The following ITGBL1 variants were observed in gnomAD, a reference collection of about 807,000 sequenced individuals.
The protein encoded by ITGBL1 is integrin beta-like protein 1.
Under a neutral mutation model 68.5 loss-of-function variants are expected in ITGBL1, and 51 were observed. The ratio of observed to expected loss-of-function variants is 0.74; its 90% CI spans 0.59 to 0.94. The LOEUF (loss-of-function observed/expected upper bound fraction) is 0.94. Ranked by LOEUF, ITGBL1 falls within the 40% of genes least tolerant of loss-of-function variation. The probability of loss-of-function intolerance (pLI) is 0.00; values close to 1 mark genes in which losing one functional copy is unlikely to be tolerated. For missense variants in ITGBL1, 649 were observed against 647.4 expected (o/e 1.00, Z -0.03); for synonymous variants, 209 against 227.3 (o/e 0.92, Z 0.72).
intron 7 of ITGBL1, among the ~76,000 whole-genome samples, chr13:101,605,119 A>T (rs2030681039): frequency 6.9e-6 from 1 of 145,510 alleles, no homozygotes; most frequent in Non-Finnish European, 1.5e-5. Flanking sequence ...TATATGTGTA[A>T]ATATACATGT....
At chr13:101,671,348 G>A (rs984043874) in intron 7 of ITGBL1, among the ~76,000 whole-genome samples, 3 of 148,958 alleles carry the variant, frequency 2.0e-5, no homozygotes, top group Admixed American at 1.3e-4. Context: ...TACTTAAAAC[G>A]TTTCAGTTGC....
intron 2 of ITGBL1, among the ~76,000 whole-genome samples, chr13:101,548,678 C>T (rs568179367): frequency 1.9e-3 from 282 of 151,730 alleles, no homozygotes; most frequent in Middle Eastern, 3.5e-3. Context: ...ATTTAACTAT[C>T]ATTAACTTGA....
At chr13:101,478,289 A>C (rs1361886762) in intron 2 of ITGBL1, among the ~76,000 whole-genome samples, 1 of 152,012 alleles carries the variant, frequency 6.6e-6, no homozygotes, top group Non-Finnish European at 1.5e-5. Flanking sequence ...CTATTACTTC[A>C]TGATAAAAAC....
At chr13:101,567,176 A>G (rs2050194987) in intron 2 of ITGBL1, among the ~76,000 whole-genome samples, 1 of 152,202 alleles carries the variant, frequency 6.6e-6, no homozygotes, top group Admixed American at 6.6e-5. Context: ...GAAACAAAAT[A>G]TATACGTATT....
intron 2 of ITGBL1, among the ~76,000 whole-genome samples, chr13:101,490,291 G>A (rs2048757722): frequency 6.6e-6 from 1 of 152,170 alleles, no homozygotes; most frequent in South Asian, 2.1e-4. Flanking sequence ...ACCAAGAACT[G>A]AATCTTCCCG....
In ITGBL1 at chr13:101,634,519, A is replaced by G. The variant is rs2032100767; in HGVS notation, c.1015+36220A>G. 2.6e-5 allele frequency among the ~76,000 whole-genome samples: 4 copies of G among 152,256 alleles called. No homozygotes were observed. The South Asian group carries it at 8.3e-4, about 32-fold the overall frequency. On this transcript the variant is annotated intron_variant, in intron 7 of 10. Transcript: ENST00000376180. ...CAAAGTAAGATACTTTTCCAGTGAG[A>G]TGGGAAAGATTTCAATAAAGATGTT...
chr13:101,594,120 T>C (rs1034883436), intron 6 of ITGBL1, among the ~76,000 whole-genome samples: 2 of 152,074 alleles, frequency 1.3e-5, no homozygotes, highest in Admixed American at 6.6e-5. Context: ...ATACCCCAAA[T>C]AACTAAAGCA....
chr13:101,698,058 A>T (rs2034043314), intron 8 of ITGBL1, among the ~76,000 whole-genome samples: 1 of 152,194 alleles, frequency 6.6e-6, no homozygotes. Context: ...CACAGACATC[A>T]TCCCTCTGTT....
intron 2 of ITGBL1, among the ~76,000 whole-genome samples, chr13:101,473,820 C>T (rs888490383): frequency 6.6e-6 from 1 of 152,110 alleles, no homozygotes; most frequent in South Asian, 2.1e-4. Flanking sequence ...AGCCCCCATT[C>T]GAGGCACTAG....
At chr13:101,485,845 G>A (rs1464356777) in intron 2 of ITGBL1, among the ~76,000 whole-genome samples, 3 of 152,078 alleles carry the variant, frequency 2.0e-5, no homozygotes, top group African/African-American at 4.8e-5. Flanking sequence ...AAAAACAATA[G>A]ATGTTGGTAG....
At chr13:101,551,687 C>G (rs2049923160) in intron 2 of ITGBL1, among the ~76,000 whole-genome samples, 1 of 152,150 alleles carries the variant, frequency 6.6e-6, no homozygotes, top group South Asian at 2.1e-4. Flanking sequence ...TTCTGTTTTT[C>G]ATGCCATTTT....
chr13:101,688,389 T>C (rs1376805970), intron 7 of ITGBL1, among the ~76,000 whole-genome samples: 1 of 152,064 alleles, frequency 6.6e-6, no homozygotes, highest in Non-Finnish European at 1.5e-5. Flanking sequence ...TTGGGCTGGC[T>C]ATAGAACACC....
chr13:101,686,462 C>T (rs2033757540), intron 7 of ITGBL1, among the ~76,000 whole-genome samples: 1 of 151,960 alleles, frequency 6.6e-6, no homozygotes, highest in African/African-American at 2.4e-5. Context: ...GACAAATATT[C>T]AAGTGCTGAC....
At chr13:101,628,207 A>G (rs890581180) in intron 7 of ITGBL1, among the ~76,000 whole-genome samples, 3 of 152,172 alleles carry the variant, frequency 2.0e-5, no homozygotes, top group Non-Finnish European at 4.4e-5. Flanking sequence ...ATAATATGAA[A>G]CATCTTTTTA....
chr13:101,605,839 C>G (rs1032644176), intron 7 of ITGBL1, among the ~76,000 whole-genome samples: 2 of 149,306 alleles, frequency 1.3e-5, no homozygotes, highest in Non-Finnish European at 3.0e-5. Flanking sequence ...TATATATATG[C>G]ATATACATAT....
At chr13:101,541,919 T>G (rs959270382) in intron 2 of ITGBL1, among the ~76,000 whole-genome samples, 4 of 152,220 alleles carry the variant, frequency 2.6e-5, no homozygotes, top group African/African-American at 9.7e-5. Context: ...TATCATTTTT[T>G]ATTGCTTCTA....
At chr13:101,653,973 G>T (rs1402711730) in intron 7 of ITGBL1, among the ~76,000 whole-genome samples, 1 of 151,156 alleles carries the variant, frequency 6.6e-6, no homozygotes, top group Non-Finnish European at 1.5e-5. Flanking sequence ...GCCTCCTAAA[G>T]TGCTGGGATT....
chr13:101,485,012 A>T (rs1309063127), intron 2 of ITGBL1, among the ~76,000 whole-genome samples: 1 of 152,214 alleles, frequency 6.6e-6, no homozygotes, highest in East Asian at 1.9e-4. Flanking sequence ...TATACAGAGG[A>T]ACGAAAATAA....
At position 101,616,828 on chromosome 13, in the gene ITGBL1, T is replaced by G. The variant is rs1353188928; in HGVS notation, c.1015+18529T>G. Among the ~76,000 whole-genome samples the G allele has an allele frequency of 1.1e-4, 17 of 152,178 alleles. 1 individual carries two copies. Among genetic ancestry groups the G allele is most frequent in the Admixed American group, 1.1e-3 (17 of 15,272 alleles). On this transcript the variant is annotated intron_variant, in intron 7 of 10. Transcript: ENST00000376180. ...TCTGAGAGGTACTCTCTGATGTGCT[T>G]CCTTGGCCAGAATAATCTGCATTGT...
Sources: gnomAD v4.1 joint callset for allele counts (sites outside exome capture counted in the v4.1 genomes callset) on GRCh38, gnomAD v4.1.1 for gene constraint, MANE v1.5 for transcripts, NCBI Gene and HGNC (gene_info 2026-07-23, HGNC 2026-07-21) for gene names.